The following NARS2 variants were observed in gnomAD, a reference collection of about 807,000 sequenced individuals.
The protein encoded by NARS2 is asparaginyl-tRNA synthetase 2, mitochondrial, also known as asparaginyl-tRNA synthetase.
Under a neutral mutation model 62.9 loss-of-function variants are expected in NARS2, and 60 were observed. The observed-to-expected ratio is 0.95, with a 90% CI of 0.77 to 1.18. NARS2 has a LOEUF of 1.18. NARS2 is among the 50% of genes most tolerant of loss of function. The pLI is 0.00. For missense variants in NARS2, 619 were observed against 576.4 expected, an observed-to-expected ratio of 1.07 and a Z score of -0.76; for synonymous variants, 196 against 200.0, an observed-to-expected ratio of 0.98 and a Z score of 0.17.
chr11:78,506,544 T>A (rs530486041), intron 6 of NARS2, among the ~76,000 whole-genome samples: 2 of 152,148 alleles, frequency 1.3e-5, no homozygotes, highest in South Asian at 4.2e-4. Context: ...GATTTAACTG[T>A]TTTGTTTTGA....
chr11:78,522,346 G>A (rs966897998), intron 6 of NARS2, among the ~76,000 whole-genome samples: 2 of 152,128 alleles, frequency 1.3e-5, no homozygotes, highest in African/African-American at 4.8e-5. Flanking sequence ...ACCTATCTAA[G>A]TGAATTTTCT....
intron 5 of NARS2, among the ~76,000 whole-genome samples, chr11:78,540,357 A>G (rs977510881): frequency 1.3e-5 from 2 of 152,222 alleles, no homozygotes; most frequent in Non-Finnish European, 1.5e-5. Context: ...CAGTTTCACA[A>G]TCTCAGGAGA....
At chr11:78,473,275 T>C (rs148642433) in intron 9 of NARS2, among the ~76,000 whole-genome samples, 140 of 152,380 alleles carry the variant, frequency 9.2e-4, no homozygotes, top group Middle Eastern at 3.4e-3. Context: ...AAGTTATTGC[T>C]GCCCAGTATT....
intron 6 of NARS2, among the ~76,000 whole-genome samples, chr11:78,521,565 C>A (rs544591809): frequency 6.6e-6 from 1 of 152,030 alleles, no homozygotes; most frequent in African/African-American, 2.4e-5. Flanking sequence ...CCGAGGCGAG[C>A]GGATCACGAG....
At chr11:78,547,071 C>T (rs545846219) in intron 5 of NARS2, among the ~76,000 whole-genome samples, 4 of 152,334 alleles carry the variant, frequency 2.6e-5, no homozygotes, top group African/African-American at 4.8e-5. Flanking sequence ...TGGCTCATGA[C>T]TGTCATCTCA....
At chr11:78,551,449 C>G (rs1856108699) in intron 5 of NARS2, among the ~76,000 whole-genome samples, 1 of 152,154 alleles carries the variant, frequency 6.6e-6, no homozygotes, top group South Asian at 2.1e-4. Flanking sequence ...ATGGGATCAC[C>G]ATGGTATATG....
chr11:78,437,974 C>CA (rs11380903), intron 13 of NARS2, among the ~76,000 whole-genome samples: 108,545 of 116,644 alleles, frequency 0.93, 50,916 homozygotes, highest in East Asian at 0.98. Context: ...GATTCTGTAT[C>CA]AAAAAAAAAA....
rs1436523949 is a variant in NARS2, at chr11:78,436,400, A to T, written c.*270T>A. The T allele has an allele frequency of 5.8e-6, 2 of 344,518 alleles. No homozygotes were observed. Among genetic ancestry groups the T allele is most frequent in the East Asian group, 1.1e-4 (2 of 18,870 alleles). The allele number at this position is 344,518 out of a possible 1,614,324, so 21.3% of individuals were successfully genotyped here. Reference sequence around the variant, plus strand: ...GAGTTTAAAAGAAACTTTGAGACTAATTCAATTTCTTCATTTCTTAATTGA... The same window carrying T: ...GAGTTTAAAAGAAACTTTGAGACTATTTCAATTTCTTCATTTCTTAATTGA... On this transcript the variant is annotated 3_prime_UTR_variant, in exon 14 of 14. Coordinates refer to ENST00000281038, the MANE Select transcript of NARS2 (RefSeq NM_024678.6).
intron 5 of NARS2, among the ~76,000 whole-genome samples, chr11:78,552,887 A>C (rs1173146502): frequency 2.6e-5 from 4 of 152,192 alleles, no homozygotes; most frequent in Non-Finnish European, 5.9e-5. Context: ...CAACTTCCTA[A>C]ATTGACTGAG....
chr11:78,494,867 TG>T (rs1859990468), intron 6 of NARS2, among the ~76,000 whole-genome samples: 1 of 152,186 alleles, frequency 6.6e-6, no homozygotes, highest in African/African-American at 2.4e-5. Context: ...CCTCCAGCTC[TG>T]TTAATCTCAG....
At chr11:78,502,631 T>C (rs988909964) in intron 6 of NARS2, among the ~76,000 whole-genome samples, 8 of 152,228 alleles carry the variant, frequency 5.3e-5, no homozygotes, top group Non-Finnish European at 1.0e-4. Context: ...GACAGTGATG[T>C]TGGTTGTACA....
chr11:78,541,987 T>A (rs1855638981), intron 5 of NARS2, among the ~76,000 whole-genome samples: 1 of 152,248 alleles, frequency 6.6e-6, no homozygotes, highest in South Asian at 2.1e-4. Context: ...GGTCTTTCAC[T>A]AATCTAAAAA....
At chr11:78,499,918 G>A (rs897211932) in intron 6 of NARS2, among the ~76,000 whole-genome samples, 7 of 152,086 alleles carry the variant, frequency 4.6e-5, no homozygotes, top group African/African-American at 1.4e-4. Flanking sequence ...ATATAATTTT[G>A]TCAACGGCAC....
chr11:78,478,662 C>T lies in NARS2; in HGVS notation c.844G>A (p.Ala282Thr), dbSNP rs146900529. ...TTTGAGAGAACCATCATTGTTGTAG[C>T]CTTGAACAGTTCCTCTATAACCTAA... ...LMQVIEELFK[A>T]TTMMVLSKCP... The change falls in exon 8 of 14, where the codon GCT becomes ACT. Residue 282 changes from alanine to threonine, a missense_variant. Physicochemically the swap from Ala to Thr is moderately conservative, Grantham distance 58. Transcript: ENST00000281038. The T allele has an allele frequency of 4.8e-5, 77 of 1,609,954 alleles. No homozygotes were observed. The Middle Eastern group carries it at 1.8e-3, about 38-fold the overall frequency.
At chr11:78,442,147 G>T (rs1013058737) in intron 12 of NARS2, among the ~76,000 whole-genome samples, 1 of 152,214 alleles carries the variant, frequency 6.6e-6, no homozygotes, top group African/African-American at 2.4e-5. Context: ...CTGGAGGAAG[G>T]AAGCAAGCAA....
rs1293163856 is a variant in NARS2, at chr11:78,436,276, A to G, written c.*394T>C. 6.3e-6 allele frequency: 1 copy of G among 157,882 alleles called. No homozygotes were observed. Among genetic ancestry groups the G allele is most frequent in the Non-Finnish European group, 1.4e-5 (1 of 71,682 alleles). 9.8% of individuals were successfully genotyped at this position (157,882 alleles called of 1,614,324 possible). On this transcript the variant is annotated 3_prime_UTR_variant, in exon 14 of 14. Coordinates refer to ENST00000281038, the MANE Select transcript of NARS2 (RefSeq NM_024678.6). Reference sequence around the variant, plus strand: ...TATGGCAAGGGAGAAAAGATGCAACATTATTTTATTTCGAGCTACTAGATG... The same window carrying G: ...TATGGCAAGGGAGAAAAGATGCAACGTTATTTTATTTCGAGCTACTAGATG...
intron 9 of NARS2, among the ~76,000 whole-genome samples, chr11:78,475,199 C>A (rs1859038149): frequency 6.6e-6 from 1 of 152,186 alleles, no homozygotes; most frequent in African/African-American, 2.4e-5. Context: ...TAGCTTCTTT[C>A]ACTTAGCATT....
At chr11:78,545,565 C>T (rs1321943464) in intron 5 of NARS2, among the ~76,000 whole-genome samples, 2 of 149,568 alleles carry the variant, frequency 1.3e-5, no homozygotes, top group African/African-American at 5.0e-5. Flanking sequence ...TGCTCTGTCA[C>T]CCAGACTGTA....
At chr11:78,565,251 A>T (rs1453439241) in intron 4 of NARS2, among the ~76,000 whole-genome samples, 3 of 152,192 alleles carry the variant, frequency 2.0e-5, no homozygotes, top group Middle Eastern at 6.3e-3. Context: ...CAACACCAGT[A>T]ACTCTTTAAA....
Sources: gnomAD v4.1 joint callset for allele counts (sites outside exome capture counted in the v4.1 genomes callset) on GRCh38, gnomAD v4.1.1 for gene constraint, MANE v1.5 for transcripts, NCBI Gene and HGNC (gene_info 2026-07-23, HGNC 2026-07-21) for gene names.